TRIP4: variants seen among roughly 807,000 people sequenced by gnomAD.
The protein encoded by TRIP4 is activating signal cointegrator 1.
A neutral mutation model predicts 81.8 loss-of-function variants in TRIP4; 54 were observed. That is an observed-to-expected ratio of 0.66 (90% CI 0.53 to 0.83). The LOEUF (loss-of-function observed/expected upper bound fraction) is 0.83, where lower values mean the gene tolerates loss of function less well. TRIP4 is among the 40% of genes least tolerant of loss of function. The pLI is 0.00. For synonymous variants in TRIP4, 270 were observed against 242.8 expected (o/e 1.11, Z -1.04); for missense variants, 662 against 683.6 (o/e 0.97, Z 0.35).
intron 11 of TRIP4, among the ~76,000 whole-genome samples, chr15:64,432,110 C>T (rs1033689782): frequency 6.6e-6 from 1 of 151,068 alleles, no homozygotes; most frequent in Non-Finnish European, 1.5e-5. Context: ...TAGTCTTGAA[C>T]TCTTGACCTC....
Position 64,409,635 on chromosome 15 carries a change from GA to G in TRIP4, c.851del (p.Asp284ValfsTer30). 1 of 1,614,138 alleles carries G rather than the reference GA, an allele frequency of 6.2e-7. No homozygotes were observed. The highest frequency in any genetic ancestry group is 8.5e-7 in the Non-Finnish European group (1 of 1,180,034). ...RTSIRRTQVI[D>X]DESDYFASDS... ...CAGTATTCGAAGGACCCAAGTCATT[GA>G]TGATGAGTCAGATTACTTTGCCAGT... On this transcript the variant is annotated frameshift_variant, in exon 7 of 13. Coordinates refer to ENST00000261884, the MANE Select transcript of TRIP4 (RefSeq NM_016213.5). LOFTEE classifies it high-confidence loss of function.
Position 64,455,088 on chromosome 15 carries a change from G to T in TRIP4, c.*24G>T, listed in dbSNP as rs536192357. 6.2e-7 allele frequency: 1 copy of T among 1,607,792 alleles called. No individual in the cohort carries two copies. Among genetic ancestry groups the T allele is most frequent in the South Asian group, 1.1e-5 (1 of 89,980 alleles). ...GACCCAGGAGAAAAGGAACTATACA[G>T]CATAGTGGAGTTTTGTGTACTAAAA... On this transcript the variant is annotated 3_prime_UTR_variant, in exon 13 of 13. Coordinates refer to ENST00000261884, the MANE Select transcript of TRIP4 (RefSeq NM_016213.5).
chr15:64,420,387 C>T (rs998741756), intron 9 of TRIP4, among the ~76,000 whole-genome samples: 1 of 152,130 alleles, frequency 6.6e-6, no homozygotes, highest in Non-Finnish European at 1.5e-5. Flanking sequence ...TCCCAAAGTG[C>T]TGGGATTACA....
chr15:64,424,779 T>G (rs1006245261), intron 10 of TRIP4, among the ~76,000 whole-genome samples: 2 of 152,224 alleles, frequency 1.3e-5, no homozygotes, highest in East Asian at 3.9e-4. Context: ...AGCACTTTTC[T>G]TTTTTATTTT....
chr15:64,395,866 G>A (rs941940702), intron 3 of TRIP4, among the ~76,000 whole-genome samples: 32 of 150,258 alleles, frequency 2.1e-4, no homozygotes, highest in Non-Finnish European at 2.5e-4. Context: ...TCAGTCTCCC[G>A]AATAGCTGGG....
intron 6 of TRIP4, 92 bp from the exon 7 acceptor site, chr15:64,409,521 T>G: frequency 2.6e-4 from 311 of 1,195,506 alleles, no homozygotes; most frequent in Non-Finnish European, 3.5e-4. Context: ...GGAACATATT[T>G]GAGATATTAA....
intron 8 of TRIP4, among the ~76,000 whole-genome samples, chr15:64,417,837 C>A (rs1891922422): frequency 6.6e-6 from 1 of 152,124 alleles, no homozygotes; most frequent in Non-Finnish European, 1.5e-5. Context: ...GAATTGTGGA[C>A]CAAAATGTTG....
chr15:64,396,610 A>G (rs771659202), intron 3 of TRIP4, among the ~76,000 whole-genome samples: 1 of 152,272 alleles, frequency 6.6e-6, no homozygotes, highest in African/African-American at 2.4e-5. Context: ...TATGAGATTC[A>G]TCTCTACTCT....
At position 64,400,746 on chromosome 15, in the gene TRIP4, T is replaced by C; in HGVS notation, c.622T>C (p.Cys208Arg). The change falls in exon 5 of 13, where the codon TGT becomes CGT. Residue 208 changes from cysteine to arginine, a missense_variant. By Grantham distance (180) the Cys-to-Arg change is radical (BLOSUM62 -3). Coordinates refer to ENST00000261884, the MANE Select transcript of TRIP4 (RefSeq NM_016213.5). The stretch of plus-strand genomic sequence containing the variant: ...TCTTACTCTTACTATTTTACAGGTG[T>C]GTACTCATGAGGAACAAGATATTTT... ...GPCLFCGTLV[C>R]THEEQDILQR... 3.1e-6 allele frequency: 5 copies of C among 1,613,500 alleles called. No individual in the cohort carries two copies. The highest frequency in any genetic ancestry group is 8.5e-7 in the Non-Finnish European group (1 of 1,179,514).
intron 8 of TRIP4, among the ~76,000 whole-genome samples, chr15:64,416,860 A>T (rs1290027629): frequency 6.6e-6 from 1 of 152,198 alleles, no homozygotes; most frequent in African/African-American, 2.4e-5. Context: ...ATTGACAAGA[A>T]TCATAAAATT....
chr15:64,407,049 AT>A (rs888246007), intron 6 of TRIP4, among the ~76,000 whole-genome samples: 24 of 151,264 alleles, frequency 1.6e-4, no homozygotes, highest in African/African-American at 4.4e-4. Context: ...CCTTACTTAC[AT>A]TTTTTTTTCT....
At chr15:64,452,414 T>C (rs1423845629) in intron 12 of TRIP4, among the ~76,000 whole-genome samples, 2 of 152,200 alleles carry the variant, frequency 1.3e-5, no homozygotes, top group Non-Finnish European at 2.9e-5. Context: ...TAAATATATA[T>C]AATGCAAATA....
chr15:64,425,413 T>C lies in TRIP4; in HGVS notation c.1484-127T>C. ...GTTGTGCCAAGTAAATTTCACTGTT[T>C]TCCTTATGTCTACAAATAGATAATG... On this transcript the variant is annotated intron_variant, in intron 10 of 12. Transcript: ENST00000261884. 5 of 846,238 alleles carry C rather than the reference T, an allele frequency of 5.9e-6. 1 individual carries two copies. In the South Asian group the frequency reaches 8.5e-5, roughly 14 times the overall value. 52.4% of individuals were successfully genotyped at this position (846,238 alleles called of 1,614,324 possible). A position where few individuals can be genotyped will look rare whatever the true frequency, so the allele number is the denominator to read the frequency against.
At position 64,416,123 on chromosome 15, in the gene TRIP4, T is replaced by C. The variant is rs138745088; in HGVS notation, c.1170+1912T>C. ...ATACACATCTATAGTCCCAGATACT[T>C]GGGAAGCTGAGGTGGGAGGATCACT... On this transcript the variant is annotated intron_variant, in intron 8 of 12. Transcript: ENST00000261884. 3.3e-3 allele frequency among the ~76,000 whole-genome samples: 496 copies of C among 152,046 alleles called. 1 individual carries two copies. The highest frequency in any genetic ancestry group is 0.011 in the African/African-American group (475 of 41,468).
chr15:64,388,155 C>G (rs1900006072), intron 1 of TRIP4, 191 bp downstream of exon 1: 1 of 1,045,200 alleles, frequency 9.6e-7, no homozygotes, highest in Admixed American at 3.9e-5. Flanking sequence ...TCCGGCTCCA[C>G]AGTCTGCCGG....
At chr15:64,428,767 C>T (rs1382428860) in intron 11 of TRIP4, among the ~76,000 whole-genome samples, 1 of 151,966 alleles carries the variant, frequency 6.6e-6, no homozygotes, top group Non-Finnish European at 1.5e-5. Flanking sequence ...TACCACCACA[C>T]CTGGCCATTT....
intron 12 of TRIP4, among the ~76,000 whole-genome samples, chr15:64,445,667 C>CAAAAA (rs34704960): frequency 2.1e-4 from 16 of 77,948 alleles, no homozygotes; most frequent in African/African-American, 8.2e-4. Context: ...CACTCAGTCT[C>CAAAAA]AAAAAAAAAA....
intron 3 of TRIP4, among the ~76,000 whole-genome samples, chr15:64,395,987 C>G (rs777257762): frequency 6.6e-6 from 1 of 151,716 alleles, no homozygotes; most frequent in Non-Finnish European, 1.5e-5. Context: ...CAGCTCACCA[C>G]AACCTCTGCC....
intron 9 of TRIP4, among the ~76,000 whole-genome samples, chr15:64,419,791 G>A (rs573404437): frequency 4.6e-5 from 7 of 152,106 alleles, no homozygotes; most frequent in South Asian, 4.2e-4. Context: ...CCAAGAAACC[G>A]CTGTTATTAG....
Sources: gnomAD v4.1 joint callset for allele counts (sites outside exome capture counted in the v4.1 genomes callset) on GRCh38, gnomAD v4.1.1 for gene constraint, MANE v1.5 for transcripts, NCBI Gene and HGNC (gene_info 2026-07-23, HGNC 2026-07-21) for gene names.